Variants in DEPDC1B observed in about 807,000 individuals in gnomAD.
DEPDC1B encodes DEP domain containing 1B.
DEPDC1B carries 51 observed loss-of-function variants against 66.5 expected under a neutral mutation model. The observed-to-expected ratio is 0.77, with a 90% confidence interval of 0.61 to 0.97. The LOEUF is 0.97. DEPDC1B is among the 50% of genes least tolerant of loss of function. DEPDC1B has a pLI of 0.00. For synonymous variants in DEPDC1B, 226 were observed against 223.6 expected (o/e 1.01, Z -0.10); for missense variants, 552 against 637.1 (o/e 0.87, Z 1.44).
chr5:60,686,122 T>G (rs557990299), intron 2 of DEPDC1B, among the ~76,000 whole-genome samples: 1 of 152,354 alleles, frequency 6.6e-6, no homozygotes, highest in South Asian at 2.1e-4. Flanking sequence ...AGAGCCAGGT[T>G]GTCTCTGTGC....
At chr5:60,613,584 C>A (rs1324467355) in intron 7 of DEPDC1B, among the ~76,000 whole-genome samples, 2 of 152,074 alleles carry the variant, frequency 1.3e-5, no homozygotes, top group Non-Finnish European at 2.9e-5. Context: ...ATCATGGAAA[C>A]CCCAAGGAGA....
At chr5:60,604,121 G>A (rs1752261435) in intron 8 of DEPDC1B, among the ~76,000 whole-genome samples, 1 of 148,034 alleles carries the variant, frequency 6.8e-6, no homozygotes, top group Middle Eastern at 3.3e-3. Context: ...TTTTCAAGAA[G>A]TACATTAAGT....
chr5:60,696,022 C>T (rs1396774161), intron 1 of DEPDC1B, among the ~76,000 whole-genome samples: 1 of 152,204 alleles, frequency 6.6e-6, no homozygotes, highest in East Asian at 1.9e-4. Flanking sequence ...TGGTCTTGAT[C>T]TCCTGACCTC....
Position 60,599,205 on chromosome 5 carries a change from C to A in DEPDC1B, c.1298G>T (p.Arg433Leu). 1 of 1,611,824 alleles carries A rather than the reference C, an allele frequency of 6.2e-7. No individual in the cohort carries two copies. Among genetic ancestry groups the A allele is most frequent in the Non-Finnish European group, 8.5e-7 (1 of 1,179,272 alleles). Reference sequence around the variant, plus strand: ...TTCAAATTCCTCTGGACTAATTTGACGGCAAAATGATGGAGCAGATAAAGT... The same window carrying A: ...TTCAAATTCCTCTGGACTAATTTGAAGGCAAAATGATGGAGCAGATAAAGT... ...DITLSAPSFC[R>L]QISPEEFEYQ... The change falls in exon 10 of 11, where the codon CGT (arginine) becomes CTT (leucine). Residue 433 changes from arginine to leucine, a missense_variant. Arg to Leu is a moderately radical substitution (Grantham distance 102, BLOSUM62 -2). Coordinates refer to ENST00000265036, the MANE Select transcript of DEPDC1B (RefSeq NM_018369.3).
chr5:60,672,020 A>G (rs1754053200), intron 2 of DEPDC1B, among the ~76,000 whole-genome samples: 1 of 152,214 alleles, frequency 6.6e-6, no homozygotes, highest in Admixed American at 6.5e-5. Context: ...CACACCGTGT[A>G]TGGCTGCTTT....
At chr5:60,603,743 ATG>A (rs1752251669) in intron 8 of DEPDC1B, among the ~76,000 whole-genome samples, 176 bp from the exon 9 acceptor site, 2 of 151,952 alleles carry the variant, frequency 1.3e-5, no homozygotes, top group African/African-American at 4.8e-5. Context: ...AACAAACAAA[ATG>A]TGCATCTTCC....
intron 2 of DEPDC1B, among the ~76,000 whole-genome samples, chr5:60,667,888 TA>T (rs1209549364): frequency 2.3e-5 from 2 of 86,208 alleles, no homozygotes; most frequent in African/African-American, 3.9e-5. Flanking sequence ...TACATATATG[TA>T]AAAAATGGAT....
chr5:60,663,190 T>C (rs1753760477), intron 2 of DEPDC1B, among the ~76,000 whole-genome samples: 1 of 152,166 alleles, frequency 6.6e-6, no homozygotes, highest in East Asian at 1.9e-4. Context: ...AAAACGACAA[T>C]ATGGATGAGC....
At chr5:60,627,229 G>A (rs1752825172) in intron 7 of DEPDC1B, among the ~76,000 whole-genome samples, 1 of 151,988 alleles carries the variant, frequency 6.6e-6, no homozygotes. Flanking sequence ...TCATCACTAA[G>A]AGGTTACTGA....
At chr5:60,682,917 G>A (rs998688766) in intron 2 of DEPDC1B, among the ~76,000 whole-genome samples, 2 of 152,070 alleles carry the variant, frequency 1.3e-5, no homozygotes, top group Non-Finnish European at 2.9e-5. Flanking sequence ...TGGAAGAGAA[G>A]GAAATTCTTT....
Position 60,603,391 on chromosome 5 carries a change from C to T in DEPDC1B, c.1242G>A (p.Gln414=). 1 of 1,565,428 alleles carries T rather than the reference C, an allele frequency of 6.4e-7. No individual in the cohort carries two copies. Among genetic ancestry groups the T allele is most frequent in the Non-Finnish European group, 8.6e-7 (1 of 1,162,902 alleles). The part of the protein sequence containing the change: ...EERVAHLRRV[Q]IKYPGADMDI... ...GAACTGATAATATCCTCTCCTTTACCTGGACTCTTCGTAGATGAGCCACAC... is the reference window on the plus strand; with the variant it reads ...GAACTGATAATATCCTCTCCTTTACTTGGACTCTTCGTAGATGAGCCACAC... The change falls in exon 9 of 11, where the codon CAG becomes CAA. Residue 414 remains glutamine, a splice_region_variant and synonymous_variant. Transcript: ENST00000265036.
At chr5:60,659,056 T>C (rs1360142416) in intron 2 of DEPDC1B, among the ~76,000 whole-genome samples, 4 of 152,184 alleles carry the variant, frequency 2.6e-5, no homozygotes, top group Non-Finnish European at 5.9e-5. Flanking sequence ...AGCTGAACAC[T>C]AGTTGCTTGG....
At chr5:60,699,857 C>T (rs113670721) in intron 1 of DEPDC1B, among the ~76,000 whole-genome samples, 189 bp downstream of exon 1, 1,886 of 152,348 alleles carry the variant, frequency 0.012, 16 homozygotes, top group Non-Finnish European at 0.02. Context: ...GCCGGCTGAG[C>T]TCTGGGCCCC....
intron 9 of DEPDC1B, among the ~76,000 whole-genome samples, chr5:60,599,927 G>A (rs1289487681): frequency 6.6e-6 from 1 of 152,154 alleles, no homozygotes; most frequent in African/African-American, 2.4e-5. Flanking sequence ...ATTTGTGTGT[G>A]TGTGTGTGTG....
Position 60,644,749 on chromosome 5 carries a change from C to T in DEPDC1B, c.705G>A (p.Lys235=). 4.4e-6 allele frequency: 7 copies of T among 1,587,536 alleles called. No homozygotes were observed. The highest frequency in any genetic ancestry group is 6.0e-6 in the Non-Finnish European group (7 of 1,169,316). The change falls in exon 5 of 11, where the codon AAG becomes AAA. Residue 235 remains lysine, a synonymous_variant. Coordinates refer to ENST00000265036, the MANE Select transcript of DEPDC1B (RefSeq NM_018369.3). The part of the protein sequence containing the change: ...SKQGVVILDD[K]SKELPHWVLS... ...AAATTATATTTATGCACTTACTTGA[C>T]TTGTCATCAAGAATAACAACTCCCT...
Position 60,605,728 on chromosome 5 carries a change from T to G in DEPDC1B, c.1027A>C (p.Met343Leu), listed in dbSNP as rs1364415570. The change falls in exon 8 of 11, where the codon ATG becomes CTG. Residue 343 changes from methionine to leucine, a missense_variant. Coordinates refer to ENST00000265036, the MANE Select transcript of DEPDC1B (RefSeq NM_018369.3). The part of the protein sequence containing the change: ...MMARICLNKE[M>L]PPLCDGFGTR... ...CCAAAGCCATCACACAGGGGTGGCA[T>G]CTCTTTGTTTAAGCAAATCCTTGCC... The G allele has an allele frequency of 6.2e-7, 1 of 1,612,902 alleles. No individual in the cohort carries two copies. The highest frequency in any genetic ancestry group is 8.5e-7 in the Non-Finnish European group (1 of 1,179,410).
intron 9 of DEPDC1B, 104 bp downstream of exon 9, chr5:60,603,287 A>T: frequency 9.2e-7 from 1 of 1,091,196 alleles, no homozygotes. Flanking sequence ...CTTTATAAAC[A>T]TTAATTCACT....
intron 2 of DEPDC1B, among the ~76,000 whole-genome samples, chr5:60,648,368 T>C (rs1753369390): frequency 6.6e-6 from 1 of 152,228 alleles, no homozygotes; most frequent in African/African-American, 2.4e-5. Context: ...TGCTTTCATG[T>C]GTCCTGACGC....
intron 7 of DEPDC1B, among the ~76,000 whole-genome samples, chr5:60,612,527 T>TAAA (rs1752435405): frequency 1.7e-5 from 1 of 59,754 alleles, no homozygotes; most frequent in African/African-American, 5.0e-5. Flanking sequence ...TGAGATCTGC[T>TAAA]CAAAAAAAAA....
Sources: gnomAD v4.1 joint callset for allele counts (sites outside exome capture counted in the v4.1 genomes callset) on GRCh38, gnomAD v4.1.1 for gene constraint, MANE v1.5 for transcripts, NCBI Gene and HGNC (gene_info 2026-07-23, HGNC 2026-07-21) for gene names.